SEPTIN6: variants seen among roughly 807,000 people sequenced by gnomAD.
SEPTIN6 encodes septin 6.
A neutral mutation model predicts 33.6 loss-of-function variants in SEPTIN6; 8 were observed. The observed-to-expected ratio is 0.24, with a 90% CI of 0.14 to 0.43. SEPTIN6 has a LOEUF of 0.43. Among genes scored for constraint, SEPTIN6 ranks in the 20% least tolerant of loss-of-function variants. SEPTIN6 has a pLI of 1.00. For missense variants in SEPTIN6, 250 were observed against 340.8 expected, an observed-to-expected ratio of 0.73 and a Z score of 2.10; for synonymous variants, 131 against 140.0, an observed-to-expected ratio of 0.94 and a Z score of 0.45.
chrX:119,644,596 C>T (rs960532407), intron 5 of SEPTIN6, among the ~76,000 whole-genome samples: 3 of 111,008 alleles, frequency 2.7e-5, no homozygotes, highest in Admixed American at 9.6e-5. Context: ...CGCCTGTAAT[C>T]CCAGCACTTT....
chrX:119,672,530 G>A (rs1603348640), intron 2 of SEPTIN6, among the ~76,000 whole-genome samples: 2 of 111,761 alleles, frequency 1.8e-5, no homozygotes, highest in African/African-American at 6.5e-5. Context: ...CCACCCAATC[G>A]CACTGGTTGA....
chrX:119,635,559 C>T (rs1426938874), intron 7 of SEPTIN6, among the ~76,000 whole-genome samples: 1 of 111,445 alleles, frequency 9.0e-6, no homozygotes, highest in Non-Finnish European at 1.9e-5. Flanking sequence ...CTAGAAAAGC[C>T]AAAGGCAGAG....
intron 3 of SEPTIN6, among the ~76,000 whole-genome samples, chrX:119,655,170 G>A (rs1219058582): frequency 4.5e-5 from 5 of 110,361 alleles, no homozygotes; most frequent in African/African-American, 1.7e-4. Flanking sequence ...ATTGCCTCTG[G>A]CTCTCGGAAG....
intron 7 of SEPTIN6, among the ~76,000 whole-genome samples, chrX:119,636,339 G>C (rs768378491): frequency 8.9e-6 from 1 of 111,985 alleles, no homozygotes; most frequent in Non-Finnish European, 1.9e-5. Flanking sequence ...CACGCATATA[G>C]ATCAGACACT....
At chrX:119,645,261 A>C (rs1400879829) in intron 5 of SEPTIN6, among the ~76,000 whole-genome samples, 4 of 75,684 alleles carry the variant, frequency 5.3e-5, no homozygotes, top group African/African-American at 1.6e-4. Flanking sequence ...TTTTTTTGAG[A>C]CGGAGTCTCA....
chrX:119,669,384 G>C (rs1456163196), intron 2 of SEPTIN6, among the ~76,000 whole-genome samples: 1 of 112,604 alleles, frequency 8.9e-6, no homozygotes, highest in African/African-American at 3.2e-5. Context: ...AGTTCTGAAT[G>C]TTGAACCCAG....
chrX:119,666,573 C>A (rs896899763), intron 2 of SEPTIN6, among the ~76,000 whole-genome samples: 2 of 110,874 alleles, frequency 1.8e-5, no homozygotes, highest in African/African-American at 3.3e-5. Flanking sequence ...GGAGGGAGAA[C>A]AAGGAGAACA....
chrX:119,658,323 TAAC>T (rs1238755466), intron 3 of SEPTIN6, among the ~76,000 whole-genome samples: 1 of 111,842 alleles, frequency 8.9e-6, no homozygotes, highest in East Asian at 2.8e-4. Context: ...TTTTTTCACT[TAAC>T]AACATATCCT....
At chrX:119,645,190 G>A (rs754678183) in intron 5 of SEPTIN6, among the ~76,000 whole-genome samples, 5 of 106,565 alleles carry the variant, frequency 4.7e-5, no homozygotes, top group African/African-American at 1.7e-4. Flanking sequence ...TTACAGGTGT[G>A]AGCCACCGCG....
In SEPTIN6 at chrX:119,678,610, C is replaced by T. The variant is rs190434922; in HGVS notation, c.31-2942G>A. 3.1e-3 allele frequency among the ~76,000 whole-genome samples: 342 copies of T among 112,024 alleles called. 1 individual carries two copies. Among genetic ancestry groups the T allele is most frequent in the Non-Finnish European group, 5.1e-3 (269 of 53,168 alleles). ...CTACGTTCACCCCTTTCTGCTTCTC[C>T]TTCTCATTTCCCCTTCTCTTTATTA... On this transcript the variant is annotated intron_variant, in intron 1 of 10. Transcript: ENST00000394610.
rs1217199924 is a variant in SEPTIN6, at chrX:119,690,338, TACATACACATACACAC to T, written c.30+2722_30+2737del. 9.7e-3 allele frequency among the ~76,000 whole-genome samples: 655 copies of T among 67,297 alleles called. 6 individuals are homozygous for T. Among genetic ancestry groups the T allele is most frequent in the African/African-American group, 0.026 (610 of 23,366 alleles). The allele number at this position is 67,297 out of a possible 115,157, so 58.4% of individuals were successfully genotyped here. A position where few individuals can be genotyped will look rare whatever the true frequency, so the allele number is the denominator to read the frequency against. The stretch of plus-strand genomic sequence containing the variant: ...TTCTAGAAAGAACACACCCCCCACA[TACATACACATACACAC>T]ACACACACACACACACACACACACA... On this transcript the variant is annotated intron_variant, in intron 1 of 10. Transcript: ENST00000394610.
intron 5 of SEPTIN6, among the ~76,000 whole-genome samples, chrX:119,646,000 A>G (rs2054250789): frequency 8.9e-6 from 1 of 112,088 alleles, no homozygotes; most frequent in African/African-American, 3.2e-5. Context: ...CACCACATCC[A>G]TTATACTTGG....
intron 2 of SEPTIN6, among the ~76,000 whole-genome samples, chrX:119,674,080 A>C (rs1395204621): frequency 1.8e-5 from 2 of 111,096 alleles, no homozygotes; most frequent in African/African-American, 6.5e-5. Flanking sequence ...TCAGAAGGTC[A>C]CTGGAAATAT....
chrX:119,636,808 G>A (rs1006180612), intron 7 of SEPTIN6, among the ~76,000 whole-genome samples: 2 of 111,072 alleles, frequency 1.8e-5, no homozygotes, highest in Admixed American at 9.6e-5. Flanking sequence ...GCAAGGCGGC[G>A]GTACTTCCCA....
At chrX:119,642,054 G>A (rs916942693) in intron 5 of SEPTIN6, among the ~76,000 whole-genome samples, 5 of 110,286 alleles carry the variant, frequency 4.5e-5, no homozygotes, top group African/African-American at 1.7e-4. Flanking sequence ...AGTGTGCCAA[G>A]GGAGAAAGCC....
At chrX:119,658,299 A>G (rs1278925585) in intron 3 of SEPTIN6, among the ~76,000 whole-genome samples, 3 of 111,757 alleles carry the variant, frequency 2.7e-5, no homozygotes, top group Non-Finnish European at 5.6e-5. Flanking sequence ...CATCGTGATC[A>G]TTCTGCAACT....
At chrX:119,624,285 C>T (rs779009934) in intron 10 of SEPTIN6, among the ~76,000 whole-genome samples, 2 of 109,151 alleles carry the variant, frequency 1.8e-5, no homozygotes, top group Non-Finnish European at 3.8e-5. Context: ...AAGCAATTCT[C>T]CTGCCTCAGC....
chrX:119,625,285 A>AT (rs1182195204), intron 10 of SEPTIN6, 50 bp downstream of exon 10: 1 of 882,874 alleles, frequency 1.1e-6, no homozygotes, highest in Admixed American at 2.3e-5. Context: ...ATTGGGGGAG[A>AT]TATGTTCTAG....
At chrX:119,687,680 G>T (rs771006116) in intron 1 of SEPTIN6, among the ~76,000 whole-genome samples, 3 of 112,173 alleles carry the variant, frequency 2.7e-5, no homozygotes, top group African/African-American at 9.7e-5. Flanking sequence ...TACTTAGTTT[G>T]GGAATACCTT....
Sources: gnomAD v4.1 joint callset for allele counts (sites outside exome capture counted in the v4.1 genomes callset) on GRCh38, gnomAD v4.1.1 for gene constraint, MANE v1.5 for transcripts, NCBI Gene and HGNC (gene_info 2026-07-23, HGNC 2026-07-21) for gene names.